UBXN8: variants seen among roughly 807,000 people sequenced by gnomAD.
The protein encoded by UBXN8 is UBX domain protein 8.
A neutral mutation model predicts 32.1 loss-of-function variants in UBXN8; 27 were observed. The observed-to-expected ratio is 0.84, with a 90% confidence interval of 0.62 to 1.16. UBXN8 has a LOEUF of 1.16. Ranked by LOEUF, UBXN8 falls within the 50% of genes most tolerant of loss-of-function variation. The pLI is 0.00. For missense variants in UBXN8, 306 were observed against 311.4 expected (o/e 0.98, Z 0.13); for synonymous variants, 109 against 111.8 (o/e 0.98, Z 0.16).
At chr8:30,733,336 C>T (rs576486478) in intron 1 of UBXN8, 2 of 152,356 alleles carry the variant, frequency 1.3e-5, no homozygotes, top group Admixed American at 6.5e-5. Flanking sequence ...TACACTGACT[C>T]TTGATATGCC....
At chr8:30,752,915 T>C in intron 2 of UBXN8, 120 bp from the exon 3 acceptor site, 1 of 1,130,572 alleles carries the variant, frequency 8.8e-7, no homozygotes, top group Non-Finnish European at 1.2e-6. Context: ...TGTGATGTGT[T>C]AGGGTCTCCC....
At chr8:30,746,216 CT>C (rs1805353607) in intron 1 of UBXN8, among the ~76,000 whole-genome samples, 1 of 152,112 alleles carries the variant, frequency 6.6e-6, no homozygotes, top group Non-Finnish European at 1.5e-5. Context: ...GGATTAGCTT[CT>C]TTCTCAGAAT....
chr8:30,742,476 G>C (rs551975631), upstream of UBXN8, among the ~76,000 whole-genome samples: 24 of 152,054 alleles, frequency 1.6e-4, no homozygotes, highest in Non-Finnish European at 1.9e-4. Context: ...TCAGCCTCTT[G>C]AGTAGCTGGG....
chr8:30,749,439 A>G (rs1036592680), intron 1 of UBXN8, among the ~76,000 whole-genome samples: 12 of 151,350 alleles, frequency 7.9e-5, no homozygotes, highest in Admixed American at 1.3e-4. Flanking sequence ...ACCAAATACT[A>G]TATTTTTACT....
At chr8:30,754,859 T>C in intron 4 of UBXN8, 72 bp downstream of exon 4, 1 of 1,503,252 alleles carries the variant, frequency 6.7e-7, no homozygotes, top group Non-Finnish European at 8.8e-7. Context: ...GATTTTTAAT[T>C]GAAAATGATG....
intron 1 of UBXN8, among the ~76,000 whole-genome samples, chr8:30,733,595 C>T (rs1276961042): frequency 6.6e-6 from 1 of 152,042 alleles, no homozygotes; most frequent in Non-Finnish European, 1.5e-5. Context: ...CAGTGACAGC[C>T]CCCCTGCTCC....
At position 30,750,733 on chromosome 8, in the gene UBXN8, A is replaced by T. The variant is rs191766108; in HGVS notation, c.89-663A>T. On this transcript the variant is annotated intron_variant, in intron 1 of 7. Coordinates refer to ENST00000265616, the MANE Select transcript of UBXN8 (RefSeq NM_005671.4). Reference sequence around the variant, plus strand: ...GCTTGCAGTGAGCCGAGATCATGCCACTGCACTCCAGCCTGGGCAACAGAG... The same window carrying T: ...GCTTGCAGTGAGCCGAGATCATGCCTCTGCACTCCAGCCTGGGCAACAGAG... Among the ~76,000 whole-genome samples, 4 of 149,172 alleles carry T rather than the reference A, an allele frequency of 2.7e-5. No homozygotes were observed. In the East Asian group the frequency reaches 6.0e-4, roughly 22 times the overall value.
upstream of UBXN8, among the ~76,000 whole-genome samples, chr8:30,731,338 C>T (rs1235002137): frequency 6.6e-6 from 1 of 152,168 alleles, no homozygotes; most frequent in Non-Finnish European, 1.5e-5. Flanking sequence ...CAGTCGCCCC[C>T]TTATCCAAAA....
intron 5 of UBXN8, among the ~76,000 whole-genome samples, chr8:30,760,298 T>C (rs1053825137): frequency 6.6e-6 from 1 of 150,512 alleles, no homozygotes; most frequent in African/African-American, 2.4e-5. Context: ...TGACCTCAAG[T>C]GATCCACCTG....
Position 30,766,460 on chromosome 8 carries a change from G to A in UBXN8, c.*66G>A. On this transcript the variant is annotated 3_prime_UTR_variant, in exon 8 of 8. Coordinates refer to ENST00000265616, the MANE Select transcript of UBXN8 (RefSeq NM_005671.4). ...GCTATGACCTTCTGGCACAATAAAG[G>A]CTTCACTTTCAAATCACACTATACC... 7.0e-7 allele frequency: 1 copy of A among 1,437,308 alleles called. No homozygotes were observed. The allele number at this position is 1,437,308 out of a possible 1,614,324, so 89.0% of individuals were successfully genotyped here. A position where few individuals can be genotyped will look rare whatever the true frequency, so the allele number is the denominator to read the frequency against.
At chr8:30,759,384 G>A (rs1331191708) in intron 5 of UBXN8, among the ~76,000 whole-genome samples, 11 of 151,570 alleles carry the variant, frequency 7.3e-5, no homozygotes, top group South Asian at 2.1e-4. Flanking sequence ...ACAGGTGTGC[G>A]CCACCACGCC....
chr8:30,744,115 A>G, upstream of UBXN8: 1 of 1,431,086 alleles, frequency 7.0e-7, no homozygotes, highest in Admixed American at 1.9e-5. Context: ...CGCGGCAAGA[A>G]GAGTTCCACT....
At chr8:30,756,964 T>C in intron 5 of UBXN8, 77 bp downstream of exon 5, 1 of 1,571,084 alleles carries the variant, frequency 6.4e-7, no homozygotes, top group Non-Finnish European at 8.7e-7. Context: ...GGTGGTATAC[T>C]GGGTGAAGAT....
upstream of UBXN8, among the ~76,000 whole-genome samples, chr8:30,740,825 CG>C (rs980683993): frequency 1.1e-4 from 16 of 152,154 alleles, no homozygotes; most frequent in African/African-American, 3.6e-4. Context: ...TTCTTACTCA[CG>C]AAGATAGGCT....
intron 1 of UBXN8, among the ~76,000 whole-genome samples, chr8:30,737,675 G>A (rs553188682): frequency 2.0e-5 from 3 of 152,076 alleles, no homozygotes; most frequent in Admixed American, 6.5e-5. Context: ...GCAACAGAGC[G>A]AGACCCTGTC....
rs764331779 is a variant in UBXN8, at chr8:30,766,399, GA to G, written c.*7del. 5 of 1,588,844 alleles carry G rather than the reference GA, an allele frequency of 3.1e-6. No homozygotes were observed. In the South Asian group the frequency reaches 3.4e-5, roughly 11 times the overall value. On this transcript the variant is annotated 3_prime_UTR_variant, in exon 8 of 8. Transcript: ENST00000265616. ...GAGAAGGAGCAGACCAACTAGGAAA[GA>G]AGGGAGAGCTCCCTGTTTGCATGAA...
In UBXN8 at chr8:30,753,669, C is replaced by G. The variant is rs150607374; in HGVS notation, c.282+564C>G. ...GTATACTCTTTAAACAGTCACTCCC[C>G]ACTCTGCCCTCATCCCATCCTCTGA... On this transcript the variant is annotated intron_variant, in intron 3 of 7. Transcript: ENST00000265616. 2.9e-3 allele frequency among the ~76,000 whole-genome samples: 443 copies of G among 152,236 alleles called. 3 individuals are homozygous for G. Among genetic ancestry groups the G allele is most frequent in the African/African-American group, 0.01 (416 of 41,538 alleles).
chr8:30,732,594 C>A (rs1217558342), upstream of UBXN8: 2 of 253,216 alleles, frequency 7.9e-6, no homozygotes, highest in Non-Finnish European at 1.5e-5. Context: ...GAATGGGGAT[C>A]CCAGCAACAG....
chr8:30,762,427 C>T (rs143386371), intron 6 of UBXN8, among the ~76,000 whole-genome samples: 104 of 151,622 alleles, frequency 6.9e-4, no homozygotes, highest in African/African-American at 2.3e-3. Flanking sequence ...TGAGTCTCAC[C>T]GCATTGCTCA....
Sources: gnomAD v4.1 joint callset for allele counts (sites outside exome capture counted in the v4.1 genomes callset) on GRCh38, gnomAD v4.1.1 for gene constraint, MANE v1.5 for transcripts, NCBI Gene and HGNC (gene_info 2026-07-23, HGNC 2026-07-21) for gene names.